IL1RAPL1: variants seen among roughly 807,000 people sequenced by gnomAD.
IL1RAPL1 encodes the protein interleukin-1 receptor accessory protein-like 1.
Under a neutral mutation model 48.4 loss-of-function variants are expected in IL1RAPL1, and 3 were observed. The observed-to-expected ratio is 0.06, with a 90% CI of 0.03 to 0.16. The LOEUF is 0.16. Among genes scored for constraint, IL1RAPL1 ranks in the 10% least tolerant of loss-of-function variants. The pLI is 1.00. For synonymous variants in IL1RAPL1, 185 were observed against 187.7 expected, an observed-to-expected ratio of 0.99 and a Z score of 0.12; for missense variants, 349 against 530.6, an observed-to-expected ratio of 0.66 and a Z score of 3.36.
At chrX:29,427,734 T>A (rs1247440597) in intron 5 of IL1RAPL1, among the ~76,000 whole-genome samples, 1 of 111,408 alleles carries the variant, frequency 9.0e-6, no homozygotes, top group Non-Finnish European at 1.9e-5. Context: ...AAGTTATAAA[T>A]CTTGTGACCT....
At chrX:29,095,772 C>CTT (rs5901910) in intron 2 of IL1RAPL1, among the ~76,000 whole-genome samples, 11 of 96,537 alleles carry the variant, frequency 1.1e-4, no homozygotes, top group African/African-American at 3.8e-4. Flanking sequence ...CTGCATTTGC[C>CTT]TTTTTTTTTT....
intron 2 of IL1RAPL1, among the ~76,000 whole-genome samples, chrX:29,149,333 T>G (rs891034543): frequency 9.0e-6 from 1 of 111,071 alleles, no homozygotes; most frequent in African/African-American, 3.3e-5. Flanking sequence ...CGAGAACCAA[T>G]AGTTTGAAAC....
intron 2 of IL1RAPL1, among the ~76,000 whole-genome samples, chrX:28,930,887 C>T (rs1357441395): frequency 9.0e-6 from 1 of 110,543 alleles, no homozygotes; most frequent in African/African-American, 3.3e-5. Context: ...GTGATCTGCT[C>T]GCCTTGGCCT....
At chrX:29,736,869 C>T (rs887579208) in intron 6 of IL1RAPL1, among the ~76,000 whole-genome samples, 1 of 111,581 alleles carries the variant, frequency 9.0e-6, no homozygotes, top group Non-Finnish European at 1.9e-5. Flanking sequence ...ACAAAATGGA[C>T]AAGTGCTTAA....
At chrX:28,938,879 T>G (rs1005972483) in intron 2 of IL1RAPL1, among the ~76,000 whole-genome samples, 1 of 110,674 alleles carries the variant, frequency 9.0e-6, no homozygotes, top group African/African-American at 3.3e-5. Context: ...ACAGATACTT[T>G]TCAAAAGAAG....
intron 3 of IL1RAPL1, among the ~76,000 whole-genome samples, chrX:29,342,172 G>C (rs1933092724): frequency 1.9e-5 from 2 of 107,790 alleles, no homozygotes; most frequent in South Asian, 4.1e-4. Flanking sequence ...TGTTTTGTTT[G>C]TTTGTTTTTG....
At chrX:29,915,714 CTTTTTTTTTTT>C (rs201364121) in intron 6 of IL1RAPL1, among the ~76,000 whole-genome samples, 2 of 54,311 alleles carry the variant, frequency 3.7e-5, no homozygotes, top group Admixed American at 2.2e-4. Context: ...TGGTAATATT[CTTTTTTTTTTT>C]TTTTTTTTGC....
intron 8 of IL1RAPL1, among the ~76,000 whole-genome samples, chrX:29,924,898 G>A (rs1222917561): frequency 9.0e-6 from 1 of 111,666 alleles, no homozygotes; most frequent in Non-Finnish European, 1.9e-5. Context: ...AGACCTAAAA[G>A]TATCTTTAGT....
chrX:29,425,757 T>G (rs1350693208), intron 5 of IL1RAPL1, among the ~76,000 whole-genome samples: 2 of 109,407 alleles, frequency 1.8e-5, no homozygotes, highest in Middle Eastern at 4.7e-3. Flanking sequence ...TTTTTTTTTG[T>G]AGAGACAGGG....
intron 5 of IL1RAPL1, among the ~76,000 whole-genome samples, chrX:29,487,837 C>A (rs1935112961): frequency 8.9e-6 from 1 of 112,012 alleles, no homozygotes; most frequent in Non-Finnish European, 1.9e-5. Context: ...GATTTCCATA[C>A]CCATCATTCC....
chrX:29,278,187 A>G (rs1178647331), intron 2 of IL1RAPL1, among the ~76,000 whole-genome samples: 1 of 112,136 alleles, frequency 8.9e-6, no homozygotes, highest in Non-Finnish European at 1.9e-5. Context: ...GTTACCATGA[A>G]CATATTTTTA....
chrX:28,849,190 A>G lies in IL1RAPL1; in HGVS notation c.82+59765A>G, dbSNP rs147894871. Among the ~76,000 whole-genome samples the G allele has an allele frequency of 1.6e-3, 175 of 110,818 alleles. 2 individuals are homozygous for G. The highest frequency in any genetic ancestry group is 5.3e-3 in the African/African-American group (162 of 30,511). ...AAGCAGAATGTTTCAAAAAGACTCT[A>G]CTTCTGAAAAGGGGAAAAAATCACC... On this transcript the variant is annotated intron_variant, in intron 2 of 10. Coordinates refer to ENST00000378993, the MANE Select transcript of IL1RAPL1 (RefSeq NM_014271.4).
At chrX:29,330,750 A>G (rs1932877909) in intron 3 of IL1RAPL1, among the ~76,000 whole-genome samples, 2 of 111,430 alleles carry the variant, frequency 1.8e-5, no homozygotes, top group South Asian at 7.5e-4. Flanking sequence ...ATAGGTGGCT[A>G]CTGGTCAGAA....
intron 2 of IL1RAPL1, among the ~76,000 whole-genome samples, chrX:28,972,713 T>G (rs1925114391): frequency 9.0e-6 from 1 of 111,384 alleles, no homozygotes; most frequent in Non-Finnish European, 1.9e-5. Context: ...CCCTCCAGCC[T>G]GAGCAACAGA....
intron 5 of IL1RAPL1, among the ~76,000 whole-genome samples, chrX:29,429,894 G>GTGTGTGTGTGTGTGT (rs34694649): frequency 4.7e-5 from 4 of 85,135 alleles, no homozygotes; most frequent in East Asian, 3.9e-4. Context: ...GTGTGTGTGT[G>GTGTGTGTGTGTGTGT]GTGTGTGTGT....
chrX:29,709,316 T>C (rs1927278784), intron 6 of IL1RAPL1, among the ~76,000 whole-genome samples: 1 of 111,985 alleles, frequency 8.9e-6, no homozygotes, highest in African/African-American at 3.2e-5. Flanking sequence ...TTGAGTTATG[T>C]ATATGGTGTG....
intron 5 of IL1RAPL1, among the ~76,000 whole-genome samples, chrX:29,509,689 A>G (rs1347606869): frequency 9.0e-6 from 1 of 111,280 alleles, no homozygotes; most frequent in Non-Finnish European, 1.9e-5. Context: ...GCCCACACGC[A>G]CACACACACA....
At chrX:29,273,125 A>T (rs944726405) in intron 2 of IL1RAPL1, among the ~76,000 whole-genome samples, 6 of 111,682 alleles carry the variant, frequency 5.4e-5, no homozygotes, top group African/African-American at 2.0e-4. Context: ...TCTGAATTAC[A>T]TGTCTGTCAT....
chrX:29,826,325 C>T (rs1370168060), intron 6 of IL1RAPL1, among the ~76,000 whole-genome samples: 2 of 111,626 alleles, frequency 1.8e-5, no homozygotes, highest in Non-Finnish European at 3.8e-5. Flanking sequence ...CTGGACATAA[C>T]CCCAAGAATT....
Sources: gnomAD v4.1 joint callset for allele counts (sites outside exome capture counted in the v4.1 genomes callset) on GRCh38, gnomAD v4.1.1 for gene constraint, MANE v1.5 for transcripts, NCBI Gene and HGNC (gene_info 2026-07-23, HGNC 2026-07-21) for gene names.